Variants in DLG2 observed in about 807,000 individuals in gnomAD.
DLG2 encodes the protein discs large MAGUK scaffold protein 2, also known as disks large homolog 2.
DLG2 carries 45 observed loss-of-function variants against 132.5 expected under a neutral mutation model. The observed-to-expected ratio is 0.34, with a 90% CI of 0.27 to 0.44. The LOEUF (loss-of-function observed/expected upper bound fraction) is 0.44, where lower values mean the gene tolerates loss of function less well. Among genes scored for constraint, DLG2 ranks in the 20% least tolerant of loss-of-function variants. DLG2 has a pLI of 1.00. For synonymous variants in DLG2, 424 were observed against 419.6 expected, an observed-to-expected ratio of 1.01 and a Z score of -0.13; for missense variants, 1,045 against 1,196.9, an observed-to-expected ratio of 0.87 and a Z score of 1.87.
intron 6 of DLG2, among the ~76,000 whole-genome samples, chr11:85,044,559 T>A (rs989475835): frequency 2.0e-4 from 30 of 151,988 alleles, no homozygotes; most frequent in African/African-American, 7.2e-4. Flanking sequence ...ACCTCCAGAG[T>A]GTTATTACAA....
intron 6 of DLG2, among the ~76,000 whole-genome samples, chr11:84,684,478 A>G (rs889320392): frequency 3.9e-5 from 6 of 152,170 alleles, no homozygotes; most frequent in Admixed American, 3.3e-4. Context: ...GTCACAGAAC[A>G]TATTTGTTGA....
chr11:85,238,526 G>T (rs1350529850), intron 4 of DLG2, among the ~76,000 whole-genome samples: 1 of 152,056 alleles, frequency 6.6e-6, no homozygotes, highest in Non-Finnish European at 1.5e-5. Flanking sequence ...TTACAGGCGT[G>T]AGCCACTGTG....
intron 11 of DLG2, among the ~76,000 whole-genome samples, chr11:84,028,589 C>T (rs1426196293): frequency 3.3e-5 from 5 of 152,020 alleles, no homozygotes; most frequent in Admixed American, 3.3e-4. Context: ...TATCATTAGA[C>T]CAATTACAGA....
intron 8 of DLG2, among the ~76,000 whole-genome samples, chr11:84,172,090 C>T (rs2095837942): frequency 6.6e-6 from 1 of 152,122 alleles, no homozygotes; most frequent in Admixed American, 6.6e-5. Context: ...ATGCATTACA[C>T]ACATTTGTGT....
At chr11:85,193,253 G>T (rs998415850) in intron 4 of DLG2, among the ~76,000 whole-genome samples, 2 of 152,038 alleles carry the variant, frequency 1.3e-5, no homozygotes, top group Non-Finnish European at 2.9e-5. Flanking sequence ...AGCAGCACAC[G>T]CTTTTTATGG....
chr11:84,527,730 A>G (rs1173412938), intron 7 of DLG2, among the ~76,000 whole-genome samples: 1 of 152,188 alleles, frequency 6.6e-6, no homozygotes, highest in African/African-American at 2.4e-5. Context: ...AATACACCCT[A>G]GGAAATACTG....
chr11:84,758,200 A>G (rs923380696), intron 6 of DLG2, among the ~76,000 whole-genome samples: 22 of 152,198 alleles, frequency 1.4e-4, no homozygotes, highest in Non-Finnish European at 1.5e-5. Flanking sequence ...TTGTACCTGT[A>G]CTGTTTTGGG....
At chr11:83,683,159 G>A (rs972337718) in intron 18 of DLG2, among the ~76,000 whole-genome samples, 9 of 152,244 alleles carry the variant, frequency 5.9e-5, no homozygotes, top group African/African-American at 1.2e-4. Flanking sequence ...TAGGTTCATC[G>A]AATAACAGCA....
chr11:85,121,897 C>T lies in DLG2; in HGVS notation c.283-10162G>A, dbSNP rs565850856. 1.1e-4 allele frequency among the ~76,000 whole-genome samples: 16 copies of T among 152,096 alleles called. No individual in the cohort carries two copies. The East Asian group carries it at 2.9e-3, about 28-fold the overall frequency. On this transcript the variant is annotated intron_variant, in intron 5 of 27. Transcript: ENST00000376104. ...ATGCTAAAACATTTGTGTATATGTG[C>T]ACATGAGTCTATATATACACACACA...
intron 6 of DLG2, among the ~76,000 whole-genome samples, chr11:84,609,339 A>G (rs138120987): frequency 6.6e-6 from 1 of 152,308 alleles, no homozygotes; most frequent in Admixed American, 6.5e-5. Flanking sequence ...TACTAAAAAC[A>G]TTACTTGAGA....
chr11:84,828,101 A>G (rs766086934), intron 6 of DLG2, among the ~76,000 whole-genome samples: 1 of 151,824 alleles, frequency 6.6e-6, no homozygotes, highest in African/African-American at 2.4e-5. Context: ...TTGAATGTCC[A>G]ATAGCCATGC....
intron 3 of DLG2, among the ~76,000 whole-genome samples, chr11:85,422,319 G>C (rs1293176549): frequency 6.6e-6 from 1 of 152,090 alleles, no homozygotes; most frequent in Non-Finnish European, 1.5e-5. Context: ...CAGGAACTCA[G>C]ATTACTCTTA....
At chr11:84,655,805 G>C (rs1278908556) in intron 6 of DLG2, among the ~76,000 whole-genome samples, 1 of 151,490 alleles carries the variant, frequency 6.6e-6, no homozygotes, top group Non-Finnish European at 1.5e-5. Context: ...TAAATAGCAG[G>C]AAACTATGCA....
intron 3 of DLG2, among the ~76,000 whole-genome samples, chr11:85,580,244 TATCAGCAGCATAAA>T (rs1263243665): frequency 1.3e-5 from 2 of 152,182 alleles, no homozygotes. Flanking sequence ...GGTATTTCTT[TATCAGCAGCATAAA>T]AACGGACTAA....
intron 15 of DLG2, among the ~76,000 whole-genome samples, chr11:83,909,935 C>A (rs1406544796): frequency 1.3e-5 from 2 of 152,176 alleles, no homozygotes; most frequent in Non-Finnish European, 2.9e-5. Context: ...TGTCCTGTTC[C>A]TGCCCTAGAA....
At chr11:85,197,455 T>C (rs944513346) in intron 4 of DLG2, among the ~76,000 whole-genome samples, 1 of 152,196 alleles carries the variant, frequency 6.6e-6, no homozygotes, top group African/African-American at 2.4e-5. Flanking sequence ...CAAGAACCAT[T>C]TTAAAGTGTA....
intron 3 of DLG2, among the ~76,000 whole-genome samples, chr11:85,496,294 A>G (rs1304038762): frequency 2.0e-5 from 3 of 152,182 alleles, no homozygotes; most frequent in Non-Finnish European, 2.9e-5. Context: ...AGCATTGCTC[A>G]CTGCTAGTGC....
chr11:84,284,931 A>G (rs2097893958), intron 7 of DLG2, among the ~76,000 whole-genome samples: 3 of 152,224 alleles, frequency 2.0e-5, no homozygotes, highest in African/African-American at 2.4e-5. Context: ...AAATAGGTGG[A>G]CGTAGAAAAT....
intron 9 of DLG2, among the ~76,000 whole-genome samples, chr11:84,103,002 G>A (rs2154184076): frequency 6.6e-6 from 1 of 152,214 alleles, no homozygotes; most frequent in Middle Eastern, 3.4e-3. Context: ...TGGAAACTAG[G>A]TAGGTAGAGA....
Sources: allele counts gnomAD v4.1 joint callset (sites outside exome capture counted in the v4.1 genomes callset), GRCh38; gene constraint gnomAD v4.1.1; transcripts MANE v1.5; gene names NCBI Gene and HGNC (gene_info 2026-07-23, HGNC 2026-07-21).